Variants in MAN1C1 observed in about 807,000 individuals in gnomAD.
MAN1C1 encodes mannosidase alpha class 1C member 1, also known as mannosyl-oligosaccharide 1,2-alpha-mannosidase IC.
In MAN1C1, 49 loss-of-function variants were observed where a neutral mutation model predicts 71.5. The ratio of observed to expected loss-of-function variants is 0.69; its 90% CI spans 0.54 to 0.87. MAN1C1 has a LOEUF of 0.87. MAN1C1 is among the 40% of genes least tolerant of loss of function. The probability of loss-of-function intolerance (pLI) is 0.00; values close to 1 mark genes in which losing one functional copy is unlikely to be tolerated. For synonymous variants in MAN1C1, 352 were observed against 343.7 expected, an observed-to-expected ratio of 1.02 and a Z score of -0.27; for missense variants, 743 against 835.0, an observed-to-expected ratio of 0.89 and a Z score of 1.36.
At chr1:25,720,397 G>T (rs2046747410) in intron 2 of MAN1C1, among the ~76,000 whole-genome samples, 1 of 152,004 alleles carries the variant, frequency 6.6e-6, no homozygotes, top group Non-Finnish European at 1.5e-5. Flanking sequence ...TTTTAGTAGA[G>T]ATGGGGTTTT....
At chr1:25,675,349 A>G (rs972245008) in intron 1 of MAN1C1, among the ~76,000 whole-genome samples, 1 of 152,044 alleles carries the variant, frequency 6.6e-6, no homozygotes, top group African/African-American at 2.4e-5. Flanking sequence ...TAGTTTTCCA[A>G]TCCTGAGTTA....
intron 1 of MAN1C1, among the ~76,000 whole-genome samples, chr1:25,625,939 C>A (rs1358127880): frequency 6.6e-6 from 1 of 152,244 alleles, no homozygotes; most frequent in East Asian, 1.9e-4. Context: ...GTACTTCATT[C>A]CTTTTTATTG....
intron 1 of MAN1C1, among the ~76,000 whole-genome samples, chr1:25,685,122 A>G (rs1431176884): frequency 2.0e-5 from 3 of 152,186 alleles, no homozygotes; most frequent in Non-Finnish European, 4.4e-5. Flanking sequence ...GTGCTTGTCA[A>G]TCACTTGCTG....
chr1:25,729,537 G>A (rs2124296911), intron 2 of MAN1C1, among the ~76,000 whole-genome samples: 1 of 150,118 alleles, frequency 6.7e-6, no homozygotes, highest in South Asian at 2.1e-4. Context: ...GCAATGATGT[G>A]ATCTAGTTCT....
intron 7 of MAN1C1, among the ~76,000 whole-genome samples, chr1:25,765,121 A>G (rs2047411167): frequency 6.6e-6 from 1 of 152,212 alleles, no homozygotes; most frequent in Admixed American, 6.5e-5. Context: ...GAGTTTTCAG[A>G]AGGTCTCTGT....
At chr1:25,664,429 G>A (rs2045892860) in intron 1 of MAN1C1, among the ~76,000 whole-genome samples, 1 of 152,162 alleles carries the variant, frequency 6.6e-6, no homozygotes, top group Admixed American at 6.5e-5. Flanking sequence ...TTTCCTCCCA[G>A]GAGAGTGCTC....
rs530438602 is a variant in MAN1C1, at chr1:25,744,584, A to T, written c.638-2084A>T. On this transcript the variant is annotated intron_variant, in intron 2 of 11. Transcript: ENST00000374332. ...TCCTTGGCGGGCCCTCCCTTCTGGTAATAGATTCTTTGACCTCCAGCCTCA... is the reference window on the plus strand; with the variant it reads ...TCCTTGGCGGGCCCTCCCTTCTGGTTATAGATTCTTTGACCTCCAGCCTCA... Among the ~76,000 whole-genome samples, 216 of 152,214 alleles carry T rather than the reference A, an allele frequency of 1.4e-3. 1 individual carries two copies. Among genetic ancestry groups the T allele is most frequent in the Non-Finnish European group, 1.0e-3 (68 of 67,994 alleles).
At chr1:25,699,887 C>A (rs2046416416) in intron 2 of MAN1C1, among the ~76,000 whole-genome samples, 1 of 152,130 alleles carries the variant, frequency 6.6e-6, no homozygotes, top group East Asian at 1.9e-4. Flanking sequence ...CCACTCGGGG[C>A]CTCTGAGGCA....
intron 1 of MAN1C1, among the ~76,000 whole-genome samples, chr1:25,635,278 G>T (rs76233041): frequency 0.024 from 3,672 of 151,884 alleles, 155 homozygotes; most frequent in African/African-American, 0.084. Context: ...GTTTTTTTGG[G>T]GGGGGTTAAT....
intron 1 of MAN1C1, among the ~76,000 whole-genome samples, chr1:25,676,044 C>A (rs77222237): frequency 6.6e-6 from 1 of 152,294 alleles, no homozygotes; most frequent in East Asian, 1.9e-4. Flanking sequence ...CTGTTTCTGA[C>A]GTGCCCCCTG....
At chr1:25,752,383 T>G (rs2047228604) in intron 4 of MAN1C1, among the ~76,000 whole-genome samples, 1 of 152,100 alleles carries the variant, frequency 6.6e-6, no homozygotes, top group Non-Finnish European at 1.5e-5. Flanking sequence ...GCCAGGATGG[T>G]CTCGAACTCC....
intron 1 of MAN1C1, among the ~76,000 whole-genome samples, chr1:25,633,602 G>A (rs549222842): frequency 1.4e-5 from 2 of 147,380 alleles, no homozygotes; most frequent in Admixed American, 1.3e-4. Context: ...AGTTATTCTT[G>A]TTTGCTTTTG....
intron 1 of MAN1C1, among the ~76,000 whole-genome samples, chr1:25,674,605 C>T (rs184622441): frequency 1.3e-5 from 2 of 152,176 alleles, no homozygotes; most frequent in East Asian, 3.9e-4. Context: ...GTGGAATTCA[C>T]CAGGCAAAAA....
In MAN1C1 at chr1:25,746,900, C is replaced by A; in HGVS notation, c.753+117C>A. ...GTTGAGGGTCTCTCCCACGGCTGCA[C>A]AGCCCAGCAGTCTCGGAACCGGAGC... On this transcript the variant is annotated intron_variant, in intron 3 of 11. Coordinates refer to ENST00000374332, the MANE Select transcript of MAN1C1 (RefSeq NM_020379.4). The surrounding 1 kb of genome is among the most constrained non-coding windows in gnomAD (Gnocchi z 4.0). 1 of 696,062 alleles carries A rather than the reference C, an allele frequency of 1.4e-6. No homozygotes were observed. The highest frequency in any genetic ancestry group is 2.4e-6 in the Non-Finnish European group (1 of 409,954). 43.1% of individuals were successfully genotyped at this position (696,062 alleles called of 1,614,324 possible). A position where few individuals can be genotyped will look rare whatever the true frequency, so the allele number is the denominator to read the frequency against.
At chr1:25,625,760 G>A (rs966673871) in intron 1 of MAN1C1, among the ~76,000 whole-genome samples, 3 of 152,126 alleles carry the variant, frequency 2.0e-5, no homozygotes, top group African/African-American at 7.2e-5. Flanking sequence ...GTCTGAAGCT[G>A]TAGTGAGTTT....
rs1037899573 is a variant in MAN1C1 at position 25,634,665 on chromosome 1, A to G, written c.540+16328A>G. Reference sequence around the variant, plus strand: ...TAAAACCCCATCTCTGCTAAAATACAAAAAATCAGCCGGGCTTCTTGGCAC... The same window carrying G: ...TAAAACCCCATCTCTGCTAAAATACGAAAAATCAGCCGGGCTTCTTGGCAC... On this transcript the variant is annotated intron_variant, in intron 1 of 11. Coordinates refer to ENST00000374332, the MANE Select transcript of MAN1C1 (RefSeq NM_020379.4). This position sits in a 1 kb window ranked among gnomAD's most constrained non-coding sequence, Gnocchi z 4.6. 6.6e-6 allele frequency among the ~76,000 whole-genome samples: 1 copy of G among 152,068 alleles called. No individual in the cohort carries two copies. The highest frequency in any genetic ancestry group is 1.5e-5 in the Non-Finnish European group (1 of 68,024).
intron 1 of MAN1C1, among the ~76,000 whole-genome samples, chr1:25,639,925 C>T (rs753874173): frequency 5.9e-5 from 9 of 152,112 alleles, no homozygotes; most frequent in Admixed American, 1.3e-4. Flanking sequence ...TGATATTTGT[C>T]GTGTTCTAGT....
rs1333932359 is a variant in MAN1C1, at chr1:25,617,243, C to T, written c.-555C>T. 3.3e-5 allele frequency among the ~76,000 whole-genome samples: 5 copies of T among 151,716 alleles called. No individual in the cohort carries two copies. The highest frequency in any genetic ancestry group is 1.2e-4 in the African/African-American group (5 of 41,388). On this transcript the variant is annotated 5_prime_UTR_variant, in exon 1 of 12. Transcript: ENST00000374332. This position sits in a 1 kb window ranked among gnomAD's most constrained non-coding sequence, Gnocchi z 5.1. ...AGTCGAGCCCGGGCGCTGTCGCGAC[C>T]GGGCCGGGTGTGCGCGCGCTCGGGG...
intron 1 of MAN1C1, among the ~76,000 whole-genome samples, chr1:25,656,871 G>T (rs970173937): frequency 2.0e-5 from 3 of 151,438 alleles, no homozygotes; most frequent in Non-Finnish European, 4.4e-5. Flanking sequence ...TGTCACCCAG[G>T]CTGGAGTGCA....
Sources: allele counts gnomAD v4.1 joint callset (sites outside exome capture counted in the v4.1 genomes callset), GRCh38; gene constraint gnomAD v4.1.1; non-coding constraint Gnocchi (gnomAD v3.1); transcripts MANE v1.5; gene names NCBI Gene and HGNC (gene_info 2026-07-23, HGNC 2026-07-21).